PTPRE: variants seen among roughly 807,000 people sequenced by gnomAD.
The protein encoded by PTPRE is receptor-type tyrosine-protein phosphatase epsilon.
In PTPRE, 51 loss-of-function variants were observed where a neutral mutation model predicts 102.0. The observed-to-expected ratio is 0.50, with a 90% CI of 0.40 to 0.63. The LOEUF is 0.63. Among genes scored for constraint, PTPRE ranks in the 30% least tolerant of loss-of-function variants. The probability of loss-of-function intolerance (pLI) is 0.00; values close to 1 mark genes in which losing one functional copy is unlikely to be tolerated. For missense variants in PTPRE, 752 were observed against 915.1 expected (o/e 0.82, Z 2.30); for synonymous variants, 345 against 348.2 (o/e 0.99, Z 0.10).
At chr10:128,036,268 C>G (rs1206663129) in intron 2 of PTPRE, among the ~76,000 whole-genome samples, 4 of 152,076 alleles carry the variant, frequency 2.6e-5, no homozygotes, top group Admixed American at 2.6e-4. Context: ...CCCAATAACC[C>G]CCACAAGGAG....
intron 2 of PTPRE, among the ~76,000 whole-genome samples, chr10:128,007,182 G>T (rs1473636490): frequency 6.6e-6 from 1 of 152,140 alleles, no homozygotes; most frequent in Non-Finnish European, 1.5e-5. Flanking sequence ...ATAAATATTT[G>T]AGGGGATGTG....
intron 1 of PTPRE, among the ~76,000 whole-genome samples, chr10:127,966,175 C>A (rs7082551): frequency 0.49 from 73,595 of 151,630 alleles, 18,421 homozygotes; most frequent in African/African-American, 0.62. Context: ...CAAAGAGGTC[C>A]TATGCTGCAT....
At chr10:128,048,513 T>C (rs1432726219) in intron 5 of PTPRE, among the ~76,000 whole-genome samples, 1 of 152,132 alleles carries the variant, frequency 6.6e-6, no homozygotes, top group Non-Finnish European at 1.5e-5. Flanking sequence ...CAGACTAAAA[T>C]AGACTCTTAA....
rs139394924 is a variant in PTPRE at position 128,014,768 on chromosome 10, G to T, written c.-7-26107G>T. On this transcript the variant is annotated intron_variant, in intron 2 of 20. Transcript: ENST00000254667. Reference sequence around the variant, plus strand: ...TGTTGGCGCTCCCAGTGAGGGCACTGGGGGTGGTCAGCGGAGCCCTCTGCA... The same window carrying T: ...TGTTGGCGCTCCCAGTGAGGGCACTTGGGGTGGTCAGCGGAGCCCTCTGCA... Among the ~76,000 whole-genome samples, 30 of 152,254 alleles carry T rather than the reference G, an allele frequency of 2.0e-4. 1 individual carries two copies. The East Asian group carries it at 5.4e-3, about 27-fold the overall frequency.
At chr10:127,914,494 G>T (rs1324689823) in intron 1 of PTPRE, among the ~76,000 whole-genome samples, 1 of 152,158 alleles carries the variant, frequency 6.6e-6, no homozygotes, top group African/African-American at 2.4e-5. Flanking sequence ...AAAAGGCTAG[G>T]TTGTTACTGA....
intron 1 of PTPRE, among the ~76,000 whole-genome samples, chr10:127,956,582 CA>C (rs959141353): frequency 8.3e-4 from 126 of 152,298 alleles, no homozygotes; most frequent in African/African-American, 3.0e-3. Flanking sequence ...CTCATTTGGG[CA>C]AATGCCAAGG....
chr10:127,920,849 T>C (rs1012587660), intron 1 of PTPRE, among the ~76,000 whole-genome samples: 1 of 152,250 alleles, frequency 6.6e-6, no homozygotes, highest in Non-Finnish European at 1.5e-5. Flanking sequence ...CTCTCTCATA[T>C]GTGCTCTGAC....
intron 1 of PTPRE, among the ~76,000 whole-genome samples, chr10:127,927,425 C>T (rs563476163): frequency 7.0e-4 from 107 of 152,252 alleles, no homozygotes; most frequent in Non-Finnish European, 1.4e-3. Flanking sequence ...ATCCACTTAG[C>T]GGGGTTGAGT....
chr10:128,024,532 C>T (rs1190070016), intron 2 of PTPRE, among the ~76,000 whole-genome samples: 2 of 152,314 alleles, frequency 1.3e-5, no homozygotes, highest in Middle Eastern at 3.4e-3. Context: ...GGACACTATG[C>T]GTAATTGGAA....
chr10:128,076,559 A>C, intron 17 of PTPRE, 44 bp from the exon 18 acceptor site: 1 of 1,542,480 alleles, frequency 6.5e-7, no homozygotes, highest in African/African-American at 1.4e-5. Flanking sequence ...CGCCAGCAGC[A>C]AATTATTTAT....
At chr10:127,960,032 CA>C (rs1849681562) in intron 1 of PTPRE, among the ~76,000 whole-genome samples, 1 of 152,168 alleles carries the variant, frequency 6.6e-6, no homozygotes, top group Non-Finnish European at 1.5e-5. Context: ...AGGACAGATG[CA>C]GATTATTACT....
chr10:127,994,781 C>G (rs958203819), intron 2 of PTPRE, among the ~76,000 whole-genome samples: 1 of 152,196 alleles, frequency 6.6e-6, no homozygotes, highest in Non-Finnish European at 1.5e-5. Flanking sequence ...TGACTCCCTG[C>G]TGGAACGTAA....
chr10:127,962,311 C>T (rs1849884450), intron 1 of PTPRE, among the ~76,000 whole-genome samples: 1 of 152,208 alleles, frequency 6.6e-6, no homozygotes, highest in Non-Finnish European at 1.5e-5. Flanking sequence ...GAGTGCGGCA[C>T]ATGCCAGGCC....
intron 1 of PTPRE, among the ~76,000 whole-genome samples, chr10:127,943,315 C>A (rs1349048440): frequency 6.6e-6 from 1 of 152,144 alleles, no homozygotes; most frequent in African/African-American, 2.4e-5. Context: ...CCCAAACTTG[C>A]CTGGCTGCCA....
chr10:127,934,024 G>GCGCACACACACA lies in PTPRE; in HGVS notation c.-31+26716_-31+26717insGCACACACACAC, dbSNP rs1357914217. 2.4e-3 allele frequency: 194 copies of GCGCACACACACA among 82,326 alleles called. 2 individuals carry two copies. Among genetic ancestry groups the GCGCACACACACA allele is most frequent in the African/African-American group, 8.2e-3 (176 of 21,444 alleles). The allele number at this position is 82,326 out of a possible 1,614,324, so 5.1% of individuals were successfully genotyped here. A position where few individuals can be genotyped will look rare whatever the true frequency, so the allele number is the denominator to read the frequency against. On this transcript the variant is annotated intron_variant, in intron 1 of 20. Coordinates refer to ENST00000254667, the MANE Select transcript of PTPRE (RefSeq NM_006504.6). ...TATCCCCCTTCCCCCCACCCCCCGC[G>GCGCACACACACA]CACACACACACACACACACACACAC...
chr10:128,059,158 C>T (rs1447862305), intron 7 of PTPRE, among the ~76,000 whole-genome samples: 1 of 152,204 alleles, frequency 6.6e-6, no homozygotes, highest in Non-Finnish European at 1.5e-5. Context: ...TATAGCTGTC[C>T]TCAAAGCGTA....
rs1851538723 is a variant in PTPRE, at chr10:128,079,744, T to C, written c.2028+49T>C. 5 of 1,573,028 alleles carry C rather than the reference T, an allele frequency of 3.2e-6. No individual in the cohort carries two copies. The East Asian group carries it at 1.1e-4, about 35-fold the overall frequency. ...ACCAGAAGAGTGGAGAATTATTTCA[T>C]GTTGTATTTGATGTATGTTTCATTA... On this transcript the variant is annotated intron_variant, in intron 20 of 20. Transcript: ENST00000254667.
chr10:128,045,443 T>TGTGTGA (rs1848012456), intron 3 of PTPRE, among the ~76,000 whole-genome samples: 2 of 152,158 alleles, frequency 1.3e-5, no homozygotes, highest in Admixed American at 1.3e-4. Flanking sequence ...GAGCCTGACC[T>TGTGTGA]CTGTGTGATG....
intron 1 of PTPRE, among the ~76,000 whole-genome samples, chr10:127,960,450 T>C (rs1849707307): frequency 6.6e-6 from 1 of 152,246 alleles, no homozygotes; most frequent in Admixed American, 6.5e-5. Flanking sequence ...ATCACTTCTG[T>C]GTCCTGTGCA....
Sources: gnomAD v4.1 joint callset for allele counts (sites outside exome capture counted in the v4.1 genomes callset) on GRCh38, gnomAD v4.1.1 for gene constraint, MANE v1.5 for transcripts, NCBI Gene and HGNC (gene_info 2026-07-23, HGNC 2026-07-21) for gene names.